Variants in CNTNAP5 observed in about 807,000 individuals in gnomAD.
CNTNAP5 encodes the protein contactin-associated protein-like 5.
CNTNAP5 carries 72 observed loss-of-function variants against 150.2 expected under a neutral mutation model. The ratio of observed to expected loss-of-function variants is 0.48; its 90% CI spans 0.40 to 0.58. CNTNAP5 has a LOEUF of 0.58. Ranked by LOEUF, CNTNAP5 falls within the 20% of genes least tolerant of loss-of-function variation. CNTNAP5 has a pLI of 0.00. For missense variants in CNTNAP5, 1,636 were observed against 1,626.2 expected (o/e 1.01, Z -0.10); for synonymous variants, 672 against 619.8 (o/e 1.08, Z -1.25).
At chr2:124,634,648 C>T (rs1046972208) in intron 12 of CNTNAP5, among the ~76,000 whole-genome samples, 2 of 152,106 alleles carry the variant, frequency 1.3e-5, no homozygotes, top group Non-Finnish European at 2.9e-5. Context: ...GCTGGGATTA[C>T]AGGCATGCAC....
intron 13 of CNTNAP5, among the ~76,000 whole-genome samples, chr2:124,702,696 C>T (rs186279377): frequency 2.7e-4 from 41 of 151,670 alleles, no homozygotes; most frequent in East Asian, 1.4e-3. Context: ...TTGTACAGCA[C>T]GAGGAAAAGA....
intron 20 of CNTNAP5, 122 bp downstream of exon 20, chr2:124,865,558 T>C: frequency 2.2e-6 from 2 of 892,850 alleles, no homozygotes; most frequent in South Asian, 3.6e-5. Flanking sequence ...CAAATCACAC[T>C]TGCCCCCAGA....
chr2:124,271,788 C>T (rs2104613839), intron 3 of CNTNAP5, among the ~76,000 whole-genome samples: 1 of 152,150 alleles, frequency 6.6e-6, no homozygotes, highest in East Asian at 1.9e-4. Flanking sequence ...GATCTCGGCT[C>T]ACCGCAACCT....
chr2:124,538,395 T>C (rs1356400797), intron 10 of CNTNAP5, among the ~76,000 whole-genome samples: 2 of 152,024 alleles, frequency 1.3e-5, no homozygotes, highest in Admixed American at 6.6e-5. Flanking sequence ...TGAGAATCGT[T>C]TGAACCCAGG....
chr2:124,272,611 G>A (rs1020275982), intron 3 of CNTNAP5, among the ~76,000 whole-genome samples: 2 of 152,126 alleles, frequency 1.3e-5, no homozygotes, highest in African/African-American at 2.4e-5. Context: ...AGGAGTGGGT[G>A]AATTAAATAA....
chr2:124,504,583 G>A (rs1228025307), intron 8 of CNTNAP5, 27 bp downstream of exon 8: 8 of 1,606,008 alleles, frequency 5.0e-6, no homozygotes, highest in Non-Finnish European at 2.6e-6. Flanking sequence ...CTCTGGATCA[G>A]CTTCTTGTTT....
chr2:124,559,499 A>G (rs1695836366), intron 10 of CNTNAP5, among the ~76,000 whole-genome samples: 1 of 152,238 alleles, frequency 6.6e-6, no homozygotes, highest in Non-Finnish European at 1.5e-5. Flanking sequence ...AGGAGGTCAC[A>G]TCCATCCAGA....
chr2:124,642,136 C>T (rs1678106419), intron 12 of CNTNAP5, among the ~76,000 whole-genome samples: 1 of 152,178 alleles, frequency 6.6e-6, no homozygotes. Context: ...CAGAGATGCA[C>T]TAGTGAAGGC....
At chr2:124,702,346 C>CTTTTTTTTTTTTTTTTTTTTTTT (rs71412792) in intron 13 of CNTNAP5, among the ~76,000 whole-genome samples, 1 of 52,250 alleles carries the variant, frequency 1.9e-5, no homozygotes, top group Non-Finnish European at 3.3e-5. Flanking sequence ...ACTATGAACA[C>CTTTTTTTTTTTTTTTTTTTTTTT]TTTTTTTTTT....
intron 1 of CNTNAP5, among the ~76,000 whole-genome samples, chr2:124,128,467 T>C (rs1356188599): frequency 6.6e-6 from 1 of 152,218 alleles, no homozygotes; most frequent in Non-Finnish European, 1.5e-5. Context: ...TTGGTGGGAC[T>C]GTAAACTAGT....
At chr2:124,882,564 C>G (rs1466009464) in intron 21 of CNTNAP5, among the ~76,000 whole-genome samples, 1 of 152,072 alleles carries the variant, frequency 6.6e-6, no homozygotes, top group Non-Finnish European at 1.5e-5. Context: ...GCCAGATCTT[C>G]TCTATGAAGG....
At chr2:124,869,613 C>T (rs1677702570) in intron 20 of CNTNAP5, 62 bp from the exon 21 acceptor site, 7 of 1,045,376 alleles carry the variant, frequency 6.7e-6, no homozygotes, top group South Asian at 4.0e-5. Context: ...CAGATGGGAT[C>T]GTTTTATGCT....
chr2:124,518,411 T>C (rs747127919), intron 8 of CNTNAP5, among the ~76,000 whole-genome samples: 1 of 152,166 alleles, frequency 6.6e-6, no homozygotes, highest in East Asian at 1.9e-4. Context: ...AGAAGCTAGG[T>C]GATTCACAAA....
Position 124,911,470 on chromosome 2 carries a change from C to CT in CNTNAP5, c.3663dup (p.Gly1222TrpfsTer5). The CT allele has an allele frequency of 1.3e-6, 2 of 1,595,430 alleles. No homozygotes were observed. Among genetic ancestry groups the CT allele is most frequent in the Non-Finnish European group, 8.5e-7 (1 of 1,170,006 alleles). On this transcript the variant is annotated frameshift_variant, in exon 23 of 24. Coordinates refer to ENST00000682447, the MANE Select transcript of CNTNAP5 (RefSeq NM_001367498.1). LOFTEE classifies it high-confidence loss of function. ...CCATGTCTTTTACTCCTTTCAGATC[C>CT]TTTTGGGAAGACAGATGAGCGGGAA...
At chr2:124,100,681 C>G (rs796428624) in intron 1 of CNTNAP5, among the ~76,000 whole-genome samples, 1 of 149,854 alleles carries the variant, frequency 6.7e-6, no homozygotes, top group Non-Finnish European at 1.5e-5. Flanking sequence ...GCCTAGCCAA[C>G]ATAGCAAAGC....
In CNTNAP5 at chr2:124,221,601, G is replaced by T. The variant is rs771461179; in HGVS notation, c.83-104G>T. 17 of 750,504 alleles carry T rather than the reference G, an allele frequency of 2.3e-5. 1 individual carries two copies. The highest frequency in any genetic ancestry group is 2.2e-4 in the South Asian group (13 of 59,714). 46.5% of individuals were successfully genotyped at this position (750,504 alleles called of 1,614,324 possible). A position where few individuals can be genotyped will look rare whatever the true frequency, so the allele number is the denominator to read the frequency against. The stretch of plus-strand genomic sequence containing the variant: ...GAGTACCTGACCTTGTTCAGAGCAG[G>T]TGGTTAATAAATGATGGTAGTTAAT... On this transcript the variant is annotated intron_variant, in intron 1 of 23. Transcript: ENST00000682447.
chr2:124,309,639 T>C (rs139879319), intron 3 of CNTNAP5, among the ~76,000 whole-genome samples: 1 of 152,186 alleles, frequency 6.6e-6, no homozygotes, highest in African/African-American at 2.4e-5. Flanking sequence ...GAGGCAGAGC[T>C]AGGGCTGAAT....
rs553545099 is a variant in CNTNAP5, at chr2:124,497,482, T to G, written c.1063-6810T>G. Among the ~76,000 whole-genome samples, 6 of 152,244 alleles carry G rather than the reference T, an allele frequency of 3.9e-5. No homozygotes were observed. The East Asian group carries it at 9.7e-4, about 25-fold the overall frequency. ...GCAAAGCCAGCATCCAAATGGAAAA[T>G]TCAAGCAGAATTGTCTTTTCTTGCT... is the stretch of plus-strand genomic sequence containing the variant. On this transcript the variant is annotated intron_variant, in intron 7 of 23. Coordinates refer to ENST00000682447, the MANE Select transcript of CNTNAP5 (RefSeq NM_001367498.1).
chr2:124,275,773 A>G (rs1403363406), intron 3 of CNTNAP5, among the ~76,000 whole-genome samples: 1 of 152,116 alleles, frequency 6.6e-6, no homozygotes, highest in Non-Finnish European at 1.5e-5. Flanking sequence ...TACAATCTCC[A>G]GTATTCTTGG....
Sources: allele counts gnomAD v4.1 joint callset (sites outside exome capture counted in the v4.1 genomes callset), GRCh38; gene constraint gnomAD v4.1.1; transcripts MANE v1.5; gene names NCBI Gene and HGNC (gene_info 2026-07-23, HGNC 2026-07-21).